The following PPARGC1A variants were observed in gnomAD, a reference collection of about 807,000 sequenced individuals.
The protein encoded by PPARGC1A is PPARG coactivator 1 alpha.
PPARGC1A carries 25 observed loss-of-function variants against 88.7 expected under a neutral mutation model. The ratio of observed to expected loss-of-function variants is 0.28; its 90% CI spans 0.21 to 0.39. The LOEUF (loss-of-function observed/expected upper bound fraction) is 0.39, where lower values mean the gene tolerates loss of function less well. Ranked by LOEUF, PPARGC1A falls within the 10% of genes least tolerant of loss-of-function variation. The pLI, the probability that PPARGC1A is intolerant of heterozygous loss-of-function variation, is 1.00. For synonymous variants in PPARGC1A, 363 were observed against 355.6 expected, an observed-to-expected ratio of 1.02 and a Z score of -0.24; for missense variants, 880 against 968.7, an observed-to-expected ratio of 0.91 and a Z score of 1.22.
chr4:24,198,521 T>C, the PPARGC1A span, among the ~76,000 whole-genome samples: 6 of 152,194 alleles, frequency 3.9e-5, no homozygotes, highest in Non-Finnish European at 7.3e-5. Flanking sequence ...GTTCCTTCTC[T>C]CTGAGACACC....
the PPARGC1A span, among the ~76,000 whole-genome samples, chr4:23,931,024 G>A: frequency 7.9e-5 from 12 of 152,156 alleles, no homozygotes; most frequent in South Asian, 2.1e-4. Context: ...GGCATTTTCC[G>A]TTGCTAGGGC....
chr4:24,187,217 TA>T, the PPARGC1A span, among the ~76,000 whole-genome samples: 1 of 152,328 alleles, frequency 6.6e-6, no homozygotes, highest in South Asian at 2.1e-4. Context: ...GGCTAATGTT[TA>T]TTGAGCACGC....
chr4:24,075,580 C>T, the PPARGC1A span, among the ~76,000 whole-genome samples: 1 of 152,138 alleles, frequency 6.6e-6, no homozygotes, highest in Non-Finnish European at 1.5e-5. Context: ...CCATAATTCC[C>T]ACGTGTCATG....
chr4:24,276,876 C>A, the PPARGC1A span, among the ~76,000 whole-genome samples: 1 of 152,114 alleles, frequency 6.6e-6, no homozygotes, highest in Non-Finnish European at 1.5e-5. Context: ...CCTGCACAGA[C>A]AGATACATGG....
chr4:24,177,555 A>C, the PPARGC1A span, among the ~76,000 whole-genome samples: 1 of 152,016 alleles, frequency 6.6e-6, no homozygotes, highest in East Asian at 1.9e-4. Context: ...AACATGGCAC[A>C]TGTATACATA....
At chr4:23,997,844 A>G in the PPARGC1A span, among the ~76,000 whole-genome samples, 4 of 152,184 alleles carry the variant, frequency 2.6e-5, no homozygotes, top group Non-Finnish European at 4.4e-5. Context: ...TGGTTCAAGA[A>G]GAGTATTTTG....
At chr4:23,942,249 A>G in the PPARGC1A span, among the ~76,000 whole-genome samples, 1 of 152,202 alleles carries the variant, frequency 6.6e-6, no homozygotes, top group Admixed American at 6.5e-5. Flanking sequence ...GGAACCCATA[A>G]GAAATAAGGT....
chr4:24,053,724 A>C, the PPARGC1A span, among the ~76,000 whole-genome samples: 1 of 152,212 alleles, frequency 6.6e-6, no homozygotes, highest in Non-Finnish European at 1.5e-5. Context: ...CCTCATTTGT[A>C]GTATGGGGAT....
At chr4:24,217,568 C>T in the PPARGC1A span, among the ~76,000 whole-genome samples, 5 of 152,034 alleles carry the variant, frequency 3.3e-5, no homozygotes, top group African/African-American at 9.7e-5. Flanking sequence ...CTTGGGAGGC[C>T]GAGGCAGGCA....
chr4:24,470,273 C>CACAG, the PPARGC1A span, among the ~76,000 whole-genome samples: 1 of 123,294 alleles, frequency 8.1e-6, no homozygotes, highest in African/African-American at 2.8e-5. The surrounding 1 kb of genome is among the most constrained non-coding windows in gnomAD (Gnocchi z 5.8). Flanking sequence ...CATCGACAGA[C>CACAG]ACAGACACAC....
chr4:23,949,284 C>A, the PPARGC1A span, among the ~76,000 whole-genome samples: 1 of 152,098 alleles, frequency 6.6e-6, no homozygotes, highest in Non-Finnish European at 1.5e-5. Context: ...GAGTAACATG[C>A]ACAAAAGAAA....
the PPARGC1A span, among the ~76,000 whole-genome samples, chr4:23,931,277 G>A: frequency 6.6e-6 from 1 of 152,130 alleles, no homozygotes; most frequent in Admixed American, 6.5e-5. Context: ...TGTGCTGGAA[G>A]AGGTAGAGAA....
At chr4:24,387,938 A>AAGAAAGAAAGAAAGAAAGAT in the PPARGC1A span, among the ~76,000 whole-genome samples, 27 of 115,026 alleles carry the variant, frequency 2.3e-4, no homozygotes, top group African/African-American at 1.1e-3. Context: ...AAGAAAGAGA[A>AAGAAAGAAAGAAAGAAAGAT]AGAAAGAAAG....
chr4:24,049,254 A>ATATGTG, the PPARGC1A span, among the ~76,000 whole-genome samples: 9 of 144,214 alleles, frequency 6.2e-5, no homozygotes, highest in African/African-American at 1.3e-4. Context: ...ATACACATAT[A>ATATGTG]TGTATATAAA....
chr4:24,244,439 T>C, the PPARGC1A span, among the ~76,000 whole-genome samples: 4 of 152,238 alleles, frequency 2.6e-5, no homozygotes, highest in Non-Finnish European at 5.9e-5. Flanking sequence ...TTAAGCCTTC[T>C]TAATAGGTGA....
At chr4:24,155,964 C>T in the PPARGC1A span, among the ~76,000 whole-genome samples, 14 of 152,244 alleles carry the variant, frequency 9.2e-5, no homozygotes, top group African/African-American at 3.4e-4. Context: ...CCCCTATACC[C>T]AGCTGTTTTC....
chr4:24,460,740 T>G, the PPARGC1A span, among the ~76,000 whole-genome samples: 1 of 152,186 alleles, frequency 6.6e-6, no homozygotes, highest in African/African-American at 2.4e-5. Context: ...CTAAAGGATT[T>G]CATTAGCACT....
At chr4:23,804,513 T>A (rs1212424470) in intron 10 of PPARGC1A, among the ~76,000 whole-genome samples, 1 of 152,346 alleles carries the variant, frequency 6.6e-6, no homozygotes, top group East Asian at 1.9e-4. Context: ...GTTGTTAGGA[T>A]AGTCTTTGCT....
the PPARGC1A span, among the ~76,000 whole-genome samples, chr4:24,421,366 A>T: frequency 6.7e-6 from 1 of 148,576 alleles, no homozygotes; most frequent in East Asian, 2.0e-4. Flanking sequence ...GCTGGAGTGC[A>T]GTGGCGCGAT....
Sources: allele counts gnomAD v4.1 joint callset (sites outside exome capture counted in the v4.1 genomes callset), GRCh38; gene constraint gnomAD v4.1.1; non-coding constraint Gnocchi (gnomAD v3.1); transcripts MANE v1.5; gene names NCBI Gene and HGNC (gene_info 2026-07-23, HGNC 2026-07-21).